PPP1R12B: variants seen among roughly 807,000 people sequenced by gnomAD.
PPP1R12B encodes protein phosphatase 1 regulatory subunit 12B.
A neutral mutation model predicts 126.1 loss-of-function variants in PPP1R12B; 76 were observed. The ratio of observed to expected loss-of-function variants is 0.60; its 90% confidence interval spans 0.50 to 0.73. PPP1R12B has a LOEUF of 0.73. PPP1R12B is among the 30% of genes least tolerant of loss of function. PPP1R12B has a pLI of 0.00. For synonymous variants in PPP1R12B, 356 were observed against 434.7 expected, an observed-to-expected ratio of 0.82 and a Z score of 2.25; for missense variants, 1,052 against 1,205.1, an observed-to-expected ratio of 0.87 and a Z score of 1.88.
intron 13 of PPP1R12B, among the ~76,000 whole-genome samples, chr1:202,480,360 G>C (rs1677192826): frequency 6.6e-6 from 1 of 152,178 alleles, no homozygotes; most frequent in South Asian, 2.1e-4. Flanking sequence ...TGCAGAAAAA[G>C]CATGATAAAT....
intron 13 of PPP1R12B, among the ~76,000 whole-genome samples, chr1:202,457,119 T>C (rs1673741020): frequency 6.6e-6 from 1 of 152,232 alleles, no homozygotes; most frequent in Non-Finnish European, 1.5e-5. Context: ...TTTTAAAGTA[T>C]AAGATTTTGC....
At chr1:202,371,350 G>C (rs1335835213) in intron 1 of PPP1R12B, among the ~76,000 whole-genome samples, 2 of 151,826 alleles carry the variant, frequency 1.3e-5, no homozygotes, top group African/African-American at 4.8e-5. Flanking sequence ...AATATTGTCA[G>C]TGCATTTTTT....
intron 18 of PPP1R12B, among the ~76,000 whole-genome samples, chr1:202,525,037 C>T (rs1373504296): frequency 6.6e-6 from 1 of 152,118 alleles, no homozygotes; most frequent in Non-Finnish European, 1.5e-5. Flanking sequence ...CGCCACCACA[C>T]CCGGCTAATT....
At chr1:202,452,214 G>A (rs1673071537) in intron 13 of PPP1R12B, among the ~76,000 whole-genome samples, 1 of 152,140 alleles carries the variant, frequency 6.6e-6, no homozygotes, top group African/African-American at 2.4e-5. Context: ...GGAGGTGGAG[G>A]TTGTAGCGAG....
chr1:202,499,216 A>T (rs999062204), intron 18 of PPP1R12B, among the ~76,000 whole-genome samples: 1 of 152,184 alleles, frequency 6.6e-6, no homozygotes, highest in African/African-American at 2.4e-5. Context: ...CTCTCAGGAC[A>T]GAGAATTGAA....
At chr1:202,566,138 C>G (rs1475994965) in intron 21 of PPP1R12B, among the ~76,000 whole-genome samples, 1 of 152,206 alleles carries the variant, frequency 6.6e-6, no homozygotes, top group African/African-American at 2.4e-5. Flanking sequence ...CAGCATATGT[C>G]TTGACCTTTA....
intron 1 of PPP1R12B, among the ~76,000 whole-genome samples, chr1:202,351,242 TA>T (rs759452680): frequency 0.05 from 5,843 of 117,382 alleles, 323 homozygotes; most frequent in African/African-American, 0.15. Flanking sequence ...TGTTGTTGTT[TA>T]AAAAAAAAAA....
At chr1:202,510,397 G>A (rs191877527) in intron 18 of PPP1R12B, among the ~76,000 whole-genome samples, 1 of 152,300 alleles carries the variant, frequency 6.6e-6, no homozygotes, top group Non-Finnish European at 1.5e-5. Context: ...GTAGCGGGTG[G>A]AAGTCCTGGA....
At chr1:202,427,366 T>A (rs1558211348) in intron 5 of PPP1R12B, among the ~76,000 whole-genome samples, 182 bp downstream of exon 5, 1 of 152,174 alleles carries the variant, frequency 6.6e-6, no homozygotes, top group Non-Finnish European at 1.5e-5. Context: ...TGTTTGTTAT[T>A]TAAAATAAAA....
chr1:202,523,266 TA>T, intron 18 of PPP1R12B, among the ~76,000 whole-genome samples: 1 of 152,074 alleles, frequency 6.6e-6, no homozygotes, highest in South Asian at 2.1e-4. Context: ...AGGCAGACAA[TA>T]AACAACAAAC....
intron 23 of PPP1R12B, among the ~76,000 whole-genome samples, chr1:202,579,385 C>T (rs1302060670): frequency 6.6e-6 from 1 of 152,176 alleles, no homozygotes; most frequent in Non-Finnish European, 1.5e-5. Context: ...AATGACTAGT[C>T]AAAGGACACC....
chr1:202,404,884 A>G (rs1666376380), intron 1 of PPP1R12B, among the ~76,000 whole-genome samples: 1 of 152,200 alleles, frequency 6.6e-6, no homozygotes, highest in African/African-American at 2.4e-5. Flanking sequence ...AACACTTTGT[A>G]CTTAGCTCTC....
chr1:202,508,250 T>C lies in PPP1R12B; in HGVS notation c.2490+11428T>C, dbSNP rs901174904. 1.3e-5 allele frequency among the ~76,000 whole-genome samples: 2 copies of C among 152,232 alleles called. No homozygotes were observed. The highest frequency in any genetic ancestry group is 4.8e-5 in the African/African-American group (2 of 41,458). ...GTAGAGAAACCATAGTTTTGTAACCTAGTATGATCCTTTAAGGTACATAAA... is the reference window on the plus strand; with the variant it reads ...GTAGAGAAACCATAGTTTTGTAACCCAGTATGATCCTTTAAGGTACATAAA... On this transcript the variant is annotated intron_variant, in intron 18 of 23. Transcript: ENST00000608999. This position sits in a 1 kb window ranked among gnomAD's most constrained non-coding sequence, Gnocchi z 4.5.
chr1:202,474,873 G>A (rs1431157711), intron 13 of PPP1R12B, among the ~76,000 whole-genome samples: 2 of 152,176 alleles, frequency 1.3e-5, no homozygotes, highest in African/African-American at 2.4e-5. Context: ...ACAAAGTTCT[G>A]TTGGTCAGTA....
intron 1 of PPP1R12B, among the ~76,000 whole-genome samples, chr1:202,401,390 T>TTTTTTTTTG (rs1665824727): frequency 7.1e-6 from 1 of 140,114 alleles, no homozygotes; most frequent in Non-Finnish European, 1.5e-5. Context: ...TTTTTTTTTT[T>TTTTTTTTTG]GTAGAGATAG....
intron 2 of PPP1R12B, chr1:202,417,436 A>T: frequency 1.0e-6 from 1 of 982,730 alleles, no homozygotes; most frequent in Non-Finnish European, 1.2e-6. Context: ...ACATTAGTTG[A>T]ATGGGAATAT....
At chr1:202,562,335 A>T (rs1687612015) in intron 19 of PPP1R12B, among the ~76,000 whole-genome samples, 1 of 152,182 alleles carries the variant, frequency 6.6e-6, no homozygotes, top group Non-Finnish European at 1.5e-5. Context: ...TGGCCATTTC[A>T]TTCCTATTCA....
chr1:202,449,802 T>C (rs1672710147), intron 13 of PPP1R12B, among the ~76,000 whole-genome samples: 1 of 152,102 alleles, frequency 6.6e-6, no homozygotes, highest in South Asian at 2.1e-4. Flanking sequence ...TTCTCCTTCC[T>C]CAGCCTCCTG....
At chr1:202,511,557 C>T (rs955271326) in intron 18 of PPP1R12B, among the ~76,000 whole-genome samples, 22 of 151,990 alleles carry the variant, frequency 1.4e-4, no homozygotes, top group African/African-American at 5.3e-4. Context: ...CACCCTTCCC[C>T]CTGAGTCCCC....
Sources: allele counts gnomAD v4.1 joint callset (sites outside exome capture counted in the v4.1 genomes callset), GRCh38; gene constraint gnomAD v4.1.1; non-coding constraint Gnocchi (gnomAD v3.1); transcripts MANE v1.5; gene names NCBI Gene and HGNC (gene_info 2026-07-23, HGNC 2026-07-21).